The following SEPTIN9 variants were observed in gnomAD, a reference collection of about 807,000 sequenced individuals.
SEPTIN9 encodes septin 9, also known as septin-9.
A neutral mutation model predicts 56.6 loss-of-function variants in SEPTIN9; 13 were observed. The observed-to-expected ratio is 0.23, with a 90% CI of 0.15 to 0.37. The LOEUF (loss-of-function observed/expected upper bound fraction) is 0.37. SEPTIN9 is among the 10% of genes least tolerant of loss of function. SEPTIN9 has a pLI of 1.00. For synonymous variants in SEPTIN9, 332 were observed against 334.1 expected, an observed-to-expected ratio of 0.99 and a Z score of 0.07; for missense variants, 650 against 823.1, an observed-to-expected ratio of 0.79 and a Z score of 2.57.
intron 2 of SEPTIN9, among the ~76,000 whole-genome samples, chr17:77,362,361 G>C (rs1162041599): frequency 6.6e-6 from 1 of 152,214 alleles, no homozygotes; most frequent in African/African-American, 2.4e-5. Flanking sequence ...GTTGCTGAAG[G>C]TGAGAAATTT....
chr17:77,448,247 C>T (rs933581583), intron 3 of SEPTIN9, among the ~76,000 whole-genome samples: 1 of 151,884 alleles, frequency 6.6e-6, no homozygotes, highest in African/African-American at 2.4e-5. Flanking sequence ...CTGAGGCGGG[C>T]GGATCAATTG....
chr17:77,379,813 A>C (rs74000221), intron 2 of SEPTIN9, among the ~76,000 whole-genome samples: 2,452 of 150,656 alleles, frequency 0.016, 64 homozygotes, highest in African/African-American at 0.057. Flanking sequence ...TTTTCTTTTT[A>C]TTTTGATTCA....
At chr17:77,408,095 T>C (rs2036156690) in intron 3 of SEPTIN9, among the ~76,000 whole-genome samples, 1 of 152,114 alleles carries the variant, frequency 6.6e-6, no homozygotes, top group Non-Finnish European at 1.5e-5. Context: ...CTTGGGATGC[T>C]CACTGGGGGC....
intron 1 of SEPTIN9, among the ~76,000 whole-genome samples, chr17:77,282,584 A>G (rs755164381): frequency 1.1e-4 from 16 of 152,184 alleles, no homozygotes; most frequent in Admixed American, 2.0e-4. Context: ...GGCTTTCCAT[A>G]TTTAGGAACC....
rs1314420412 is a variant in SEPTIN9 at position 77,475,697 on chromosome 17, G to A, written c.722-6447G>A. 6.2e-7 allele frequency: 1 copy of A among 1,613,568 alleles called. No individual in the cohort carries two copies. The highest frequency in any genetic ancestry group is 2.2e-5 in the East Asian group (1 of 44,880). On this transcript the variant is annotated intron_variant, in intron 3 of 11. Transcript: ENST00000427177. This position sits in a 1 kb window ranked among gnomAD's most constrained non-coding sequence, Gnocchi z 4.6. ...GGGCCCACGCTGGGCCGGGGTGGAT[G>A]GAGGCAAGGAAGTCTTCGCCGGGGC... is the stretch of plus-strand genomic sequence containing the variant.
At chr17:77,283,411 G>A (rs2031126741) in intron 1 of SEPTIN9, among the ~76,000 whole-genome samples, 1 of 151,908 alleles carries the variant, frequency 6.6e-6, no homozygotes, top group African/African-American at 2.4e-5. Context: ...GACTGGAGGG[G>A]GCTGATGGTG....
At chr17:77,486,574 TTGTG>T (rs2039802503) in intron 4 of SEPTIN9, among the ~76,000 whole-genome samples, 1 of 147,616 alleles carries the variant, frequency 6.8e-6, no homozygotes, top group South Asian at 2.1e-4. Context: ...GTTGTGAGAG[TTGTG>T]TGTGAGGTAT....
rs540496291 is a variant in SEPTIN9, at chr17:77,371,132, C to T, written c.77-30927C>T. ...CCCTGATTTGGGTTTCCTGAAAGAGCTCGGGGAACCTCCTTACCTGGAGGT... is the reference window on the plus strand; with the variant it reads ...CCCTGATTTGGGTTTCCTGAAAGAGTTCGGGGAACCTCCTTACCTGGAGGT... On this transcript the variant is annotated intron_variant, in intron 2 of 11. Transcript: ENST00000427177. This position sits in a 1 kb window ranked among gnomAD's most constrained non-coding sequence, Gnocchi z 4.1. Among the ~76,000 whole-genome samples the T allele has an allele frequency of 3.5e-4, 53 of 152,294 alleles. 1 individual carries two copies. The highest frequency in any genetic ancestry group is 3.4e-3 in the Middle Eastern group (1 of 294).
chr17:77,466,302 C>T (rs557575452), intron 3 of SEPTIN9: 18 of 781,170 alleles, frequency 2.3e-5, no homozygotes, highest in Admixed American at 1.2e-4. Flanking sequence ...GCCCAGTGGG[C>T]GCAGCCTCAG....
chr17:77,360,651 G>A lies in SEPTIN9; in HGVS notation c.77-41408G>A, dbSNP rs527686796. On this transcript the variant is annotated intron_variant, in intron 2 of 11. Transcript: ENST00000427177. The stretch of plus-strand genomic sequence containing the variant: ...GCGATCTCCGCTCACTGCAAGCTCC[G>A]CCTCCCTGGTTCACACCATTCTCCT... 2.6e-5 allele frequency among the ~76,000 whole-genome samples: 4 copies of A among 151,628 alleles called. No homozygotes were observed. In the East Asian group the frequency reaches 7.8e-4, roughly 30 times the overall value.
rs2036880348 is a variant in SEPTIN9 at position 77,425,687 on chromosome 17, C to CTA, written c.721+22984_721+22985insTA. ...CTTGGGAAAGGTAGGGTCTTTGTGCCCCCTCCCACCCAGGGACCTGGCATG... is the reference window on the plus strand; with the variant it reads ...CTTGGGAAAGGTAGGGTCTTTGTGCCTACCCTCCCACCCAGGGACCTGGCATG... On this transcript the variant is annotated intron_variant, in intron 3 of 11. Coordinates refer to ENST00000427177, the MANE Select transcript of SEPTIN9 (RefSeq NM_001113491.2). This position sits in a 1 kb window ranked among gnomAD's most constrained non-coding sequence, Gnocchi z 4.2. 6.6e-6 allele frequency among the ~76,000 whole-genome samples: 1 copy of CTA among 152,176 alleles called. No homozygotes were observed. The highest frequency in any genetic ancestry group is 2.1e-4 in the South Asian group (1 of 4,836).
At chr17:77,381,560 T>G (rs547168853) in intron 2 of SEPTIN9, among the ~76,000 whole-genome samples, 203 of 152,358 alleles carry the variant, frequency 1.3e-3, no homozygotes, top group African/African-American at 4.2e-3. Context: ...CATACAAGTC[T>G]TTTTGGCTCC....
In SEPTIN9 at chr17:77,488,868, C is replaced by T. The variant is rs374466859; in HGVS notation, c.1262+4C>T. ...TCATCCCCGCCACCGGCCACTCGTA[C>T]GTCCCTGCAGTGTCGGCGTCCTCAT... On this transcript the variant is annotated splice_donor_region_variant and intron_variant, in intron 7 of 11. Coordinates refer to ENST00000427177, the MANE Select transcript of SEPTIN9 (RefSeq NM_001113491.2). 40 of 1,613,246 alleles carry T rather than the reference C, an allele frequency of 2.5e-5. No homozygotes were observed. Among genetic ancestry groups the T allele is most frequent in the South Asian group, 1.4e-4 (13 of 91,082 alleles).
intron 2 of SEPTIN9, among the ~76,000 whole-genome samples, chr17:77,355,010 G>A (rs903694981): frequency 1.3e-5 from 2 of 152,114 alleles, no homozygotes; most frequent in East Asian, 1.9e-4. Flanking sequence ...GACTCCAGAA[G>A]TCCAAGTTCT....
At chr17:77,414,856 G>A (rs950593756) in intron 3 of SEPTIN9, among the ~76,000 whole-genome samples, 1 of 152,142 alleles carries the variant, frequency 6.6e-6, no homozygotes, top group Non-Finnish European at 1.5e-5. Flanking sequence ...GGAATTACAG[G>A]CGTGAGCTAC....
intron 2 of SEPTIN9, among the ~76,000 whole-genome samples, chr17:77,348,875 G>C (rs79322100): frequency 6.6e-6 from 1 of 152,198 alleles, no homozygotes; most frequent in African/African-American, 2.4e-5. Context: ...GCATTTTAAA[G>C]AAATTAAAAG....
At chr17:77,388,474 C>G (rs2144018057) in intron 2 of SEPTIN9, among the ~76,000 whole-genome samples, 1 of 152,344 alleles carries the variant, frequency 6.6e-6, no homozygotes, top group African/African-American at 2.4e-5. Flanking sequence ...GAACCTAAAC[C>G]AGGCAGATCC....
At chr17:77,314,510 G>A (rs935936366) in intron 2 of SEPTIN9, among the ~76,000 whole-genome samples, 1 of 152,044 alleles carries the variant, frequency 6.6e-6, no homozygotes, top group African/African-American at 2.4e-5. Context: ...AAAGCGAGAG[G>A]TTGTGCGTCC....
At chr17:77,471,505 A>G (rs2038996339) in intron 3 of SEPTIN9, among the ~76,000 whole-genome samples, 1 of 152,222 alleles carries the variant, frequency 6.6e-6, no homozygotes, top group South Asian at 2.1e-4. Context: ...GGGGAGGCGG[A>G]GCCCCAGCCC....
Sources: allele counts gnomAD v4.1 joint callset (sites outside exome capture counted in the v4.1 genomes callset), GRCh38; gene constraint gnomAD v4.1.1; non-coding constraint Gnocchi (gnomAD v3.1); transcripts MANE v1.5; gene names NCBI Gene and HGNC (gene_info 2026-07-23, HGNC 2026-07-21).